DAB1: variants seen among roughly 807,000 people sequenced by gnomAD.
The protein encoded by DAB1 is disabled homolog 1.
DAB1 carries 15 observed loss-of-function variants against 64.6 expected under a neutral mutation model. The observed-to-expected ratio is 0.23, with a 90% CI of 0.16 to 0.36. The LOEUF is 0.36. Among genes scored for constraint, DAB1 ranks in the 10% least tolerant of loss-of-function variants. The pLI is 1.00. For synonymous variants in DAB1, 235 were observed against 251.9 expected (o/e 0.93, Z 0.64); for missense variants, 596 against 706.7 (o/e 0.84, Z 1.78).
At chr1:57,830,068 A>G (rs1244055137) in intron 1 of DAB1, among the ~76,000 whole-genome samples, 1 of 152,166 alleles carries the variant, frequency 6.6e-6, no homozygotes, top group Non-Finnish European at 1.5e-5. Context: ...AAGGACTGCT[A>G]TCTTGTGAAG....
At chr1:57,656,201 A>G (rs1460026136) in intron 6 of DAB1, among the ~76,000 whole-genome samples, 1 of 152,140 alleles carries the variant, frequency 6.6e-6, no homozygotes, top group Middle Eastern at 3.2e-3. Context: ...CTGGTCTCAG[A>G]CTTCCAGCCT....
At chr1:58,203,569 G>C (rs1231741662) in intron 4 of DAB1, among the ~76,000 whole-genome samples, 1 of 152,288 alleles carries the variant, frequency 6.6e-6, no homozygotes, top group African/African-American at 2.4e-5. Flanking sequence ...GGGAGCATGA[G>C]AATCACTGGG....
At chr1:58,468,304 T>A (rs1488650945) in intron 3 of DAB1, 1 of 152,262 alleles carries the variant, frequency 6.6e-6, no homozygotes, top group Non-Finnish European at 1.5e-5. Flanking sequence ...TTTAAAACTT[T>A]GTATAAATGT....
Position 57,062,890 on chromosome 1 carries a change from A to C in DAB1, c.717T>G (p.Pro239=). 6.2e-7 allele frequency: 1 copy of C among 1,613,910 alleles called. No individual in the cohort carries two copies. Among genetic ancestry groups the C allele is most frequent in the South Asian group, 1.1e-5 (1 of 91,074 alleles). The part of the protein sequence containing the change: ...EGVYDVPKSQ[P]VSAVTQLELF... Reference sequence around the variant, plus strand: ...GGAGAGGAGATGTACTTACACTTACAGGTTGACTTTTTGGCACATCATAAA... The same window carrying C: ...GGAGAGGAGATGTACTTACACTTACCGGTTGACTTTTTGGCACATCATAAA... The change falls in exon 9 of 15, where the codon CCT becomes CCG. Residue 239 remains proline (P), a synonymous_variant. Transcript: ENST00000371236.
chr1:57,245,717 T>C (rs1415503363), intron 2 of DAB1, among the ~76,000 whole-genome samples: 7 of 152,276 alleles, frequency 4.6e-5, no homozygotes, highest in Non-Finnish European at 1.0e-4. Flanking sequence ...GTCTTTACTA[T>C]TGCGAATAGT....
intron 2 of DAB1, among the ~76,000 whole-genome samples, chr1:57,217,886 G>T (rs1056097078): frequency 1.3e-5 from 2 of 151,694 alleles, no homozygotes; most frequent in Non-Finnish European, 2.9e-5. Context: ...TTCTACTCAA[G>T]CTGCAGGGGC....
chr1:58,439,428 A>G (rs893523404), intron 3 of DAB1, among the ~76,000 whole-genome samples: 5 of 152,186 alleles, frequency 3.3e-5, no homozygotes, highest in African/African-American at 1.2e-4. Flanking sequence ...TTATTATAGA[A>G]GGGGTATATA....
intron 7 of DAB1, among the ~76,000 whole-genome samples, chr1:57,530,620 T>C (rs796420925): frequency 8.5e-5 from 13 of 152,112 alleles, no homozygotes; most frequent in African/African-American, 3.1e-4. Context: ...AAAATATTAC[T>C]TGGGGAACCA....
chr1:57,554,958 T>G (rs1428265964), intron 7 of DAB1, among the ~76,000 whole-genome samples: 1 of 151,844 alleles, frequency 6.6e-6, no homozygotes, highest in Non-Finnish European at 1.5e-5. Flanking sequence ...CATGGGTGAC[T>G]CAGGCTAAAT....
intron 1 of DAB1, chr1:57,880,342 T>C (rs1046319870): frequency 1.3e-5 from 2 of 152,186 alleles, no homozygotes; most frequent in African/African-American, 4.8e-5. Context: ...ACTAATTATA[T>C]TGAAACAACA....
intron 7 of DAB1, among the ~76,000 whole-genome samples, chr1:57,522,868 C>T (rs1644545502): frequency 6.6e-6 from 1 of 152,202 alleles, no homozygotes; most frequent in Non-Finnish European, 1.5e-5. Flanking sequence ...CTTCATCTTT[C>T]TCTGGTGCTG....
intron 6 of DAB1, among the ~76,000 whole-genome samples, chr1:57,661,816 T>A (rs915264595): frequency 4.6e-5 from 7 of 152,204 alleles, no homozygotes; most frequent in African/African-American, 1.4e-4. Context: ...TTTATTTTTT[T>A]AAAAAACATA....
In DAB1 at chr1:58,239,150, A is replaced by G. The variant is rs557834920; in HGVS notation, n.310-88562T>C. On this transcript the variant is annotated intron_variant and non_coding_transcript_variant, in intron 4 of 20. Coordinates refer to the DAB1 transcript ENST00000485760. ...TTCAGCTTAAATGTTGTCATCTGCA[A>G]CTAAGAACCTAATTGACATGATACA... 2.2e-4 allele frequency among the ~76,000 whole-genome samples: 33 copies of G among 152,296 alleles called. No individual in the cohort carries two copies. The South Asian group carries it at 2.3e-3, about 11-fold the overall frequency.
rs753901798 is a variant in DAB1, at chr1:58,216,308, C to T, written n.310-65720G>A. Among the ~76,000 whole-genome samples the T allele has an allele frequency of 2.0e-5, 3 of 152,236 alleles. No homozygotes were observed. The South Asian group carries it at 6.2e-4, about 32-fold the overall frequency. On this transcript the variant is annotated intron_variant and non_coding_transcript_variant, in intron 4 of 20. Transcript: ENST00000485760. ...GGTTTTCTGTTCCTGAGTTAGTTTGCTGAGAATGATGGTTTCTAGCTTCAT... is the reference window on the plus strand; with the variant it reads ...GGTTTTCTGTTCCTGAGTTAGTTTGTTGAGAATGATGGTTTCTAGCTTCAT...
intron 11 of DAB1, among the ~76,000 whole-genome samples, chr1:57,017,070 C>T (rs554240249): frequency 7.4e-4 from 112 of 152,250 alleles, no homozygotes; most frequent in African/African-American, 2.6e-3. Flanking sequence ...AATTTCTGAT[C>T]TTTGCAGTTA....
At chr1:57,017,794 G>A (rs377748274) in intron 11 of DAB1, among the ~76,000 whole-genome samples, 16 of 152,226 alleles carry the variant, frequency 1.1e-4, no homozygotes, top group African/African-American at 3.1e-4. Context: ...AGCTTGCCTC[G>A]CCCATGGCAT....
intron 2 of DAB1, among the ~76,000 whole-genome samples, chr1:57,153,473 A>C (rs1659891645): frequency 6.6e-6 from 1 of 152,208 alleles, no homozygotes; most frequent in African/African-American, 2.4e-5. Context: ...TTTTTTGCAG[A>C]TCTCTCTGAA....
intron 2 of DAB1, among the ~76,000 whole-genome samples, chr1:57,238,566 A>T (rs1668260473): frequency 6.6e-6 from 1 of 152,126 alleles, no homozygotes; most frequent in South Asian, 2.1e-4. Flanking sequence ...GAATGAGGTC[A>T]CCTATGTTCT....
chr1:58,504,056 C>T (rs1645948840), intron 3 of DAB1, among the ~76,000 whole-genome samples: 1 of 152,160 alleles, frequency 6.6e-6, no homozygotes, highest in Non-Finnish European at 1.5e-5. Flanking sequence ...CCTAAAAAGT[C>T]TCCCTGACTC....
Sources: allele counts gnomAD v4.1 joint callset (sites outside exome capture counted in the v4.1 genomes callset), GRCh38; gene constraint gnomAD v4.1.1; transcripts MANE v1.5; gene names NCBI Gene and HGNC (gene_info 2026-07-23, HGNC 2026-07-21).